IGSF21: variants seen among roughly 807,000 people sequenced by gnomAD.
The protein encoded by IGSF21 is immunoglobin superfamily member 21.
IGSF21 carries 28 observed loss-of-function variants against 46.8 expected under a neutral mutation model. The observed-to-expected ratio is 0.60, with a 90% confidence interval of 0.44 to 0.82. The LOEUF is 0.82. Among genes scored for constraint, IGSF21 ranks in the 40% least tolerant of loss-of-function variants. The pLI is 0.00. For missense variants in IGSF21, 624 were observed against 665.5 expected (o/e 0.94, Z 0.69); for synonymous variants, 284 against 273.6 (o/e 1.04, Z -0.38).
chr1:18,334,229 G>A lies in IGSF21; in HGVS notation c.306-663G>A, dbSNP rs554926379. On this transcript the variant is annotated intron_variant, in intron 3 of 9. Coordinates refer to ENST00000251296, the MANE Select transcript of IGSF21 (RefSeq NM_032880.5). The surrounding 1 kb of genome is among the most constrained non-coding windows in gnomAD (Gnocchi z 4.3). ...CCAACCTGAGCTCAGATAAGCTCAC[G>A]CTTTTCCATGTGAGTGTGGAACCCA... 4.6e-5 allele frequency among the ~76,000 whole-genome samples: 7 copies of A among 152,268 alleles called. No homozygotes were observed. In the South Asian group the frequency reaches 1.2e-3, roughly 27 times the overall value.
At chr1:18,340,900 TCTC>T in intron 4 of IGSF21, among the ~76,000 whole-genome samples, 1 of 151,372 alleles carries the variant, frequency 6.6e-6, no homozygotes, top group East Asian at 1.9e-4. Flanking sequence ...TTCTGCTTCT[TCTC>T]CTTCTCCTTC....
chr1:18,372,572 GGATA>G (rs2086235856), intron 6 of IGSF21, among the ~76,000 whole-genome samples: 1 of 151,030 alleles, frequency 6.6e-6, no homozygotes, highest in South Asian at 2.1e-4. Context: ...ATGGATGGAT[GGATA>G]TTTGGATGGA....
intron 2 of IGSF21, among the ~76,000 whole-genome samples, chr1:18,236,413 C>T (rs1054348456): frequency 6.6e-6 from 1 of 152,210 alleles, no homozygotes; most frequent in Non-Finnish European, 1.5e-5. Context: ...ATAAATTACC[C>T]AGTCCCAGGT....
At chr1:18,213,734 C>A (rs1557590571) in intron 1 of IGSF21, among the ~76,000 whole-genome samples, 1 of 152,196 alleles carries the variant, frequency 6.6e-6, no homozygotes, top group Non-Finnish European at 1.5e-5. Context: ...CCAATTTGAG[C>A]TCGGGTGAAG....
chr1:18,115,584 G>A (rs1436166673), intron 1 of IGSF21: 1 of 152,192 alleles, frequency 6.6e-6, no homozygotes, highest in Non-Finnish European at 1.5e-5. Flanking sequence ...TTTCTGGTGT[G>A]AGAATGTGTC....
chr1:18,330,932 ATACATC>A (rs2085706430), intron 3 of IGSF21, among the ~76,000 whole-genome samples: 1 of 152,174 alleles, frequency 6.6e-6, no homozygotes, highest in African/African-American at 2.4e-5. Flanking sequence ...ACCTACATGG[ATACATC>A]GTTACCACCC....
intron 3 of IGSF21, among the ~76,000 whole-genome samples, chr1:18,305,549 T>G (rs2085416509): frequency 7.0e-6 from 1 of 141,990 alleles, no homozygotes; most frequent in Non-Finnish European, 1.5e-5. Flanking sequence ...GGATGGATGA[T>G]GGATGGATGG....
intron 4 of IGSF21, among the ~76,000 whole-genome samples, chr1:18,353,835 AG>A (rs1209618484): frequency 6.6e-6 from 1 of 152,198 alleles, no homozygotes; most frequent in African/African-American, 2.4e-5. Flanking sequence ...TCAAGGTGTA[AG>A]GGTTGGAGAA....
chr1:18,155,718 C>A (rs1461545293), intron 1 of IGSF21, among the ~76,000 whole-genome samples: 6 of 152,218 alleles, frequency 3.9e-5, no homozygotes, highest in Non-Finnish European at 8.8e-5. Context: ...TGGTGATGAA[C>A]TGCTGGTGCA....
intron 2 of IGSF21, among the ~76,000 whole-genome samples, chr1:18,274,489 G>T (rs1057091131): frequency 2.0e-5 from 3 of 152,362 alleles, no homozygotes; most frequent in Non-Finnish European, 4.4e-5. Context: ...TGGCCCATTG[G>T]CCAAATCTGG....
intron 1 of IGSF21, among the ~76,000 whole-genome samples, chr1:18,196,367 TA>T (rs1184661534): frequency 6.6e-6 from 1 of 152,156 alleles, no homozygotes; most frequent in Non-Finnish European, 1.5e-5. Flanking sequence ...CCATCTGACC[TA>T]ATGGCAGGGA....
At chr1:18,171,827 A>G (rs1287698562) in intron 1 of IGSF21, among the ~76,000 whole-genome samples, 3 of 152,228 alleles carry the variant, frequency 2.0e-5, no homozygotes, top group African/African-American at 7.2e-5. Flanking sequence ...TCCAGAGCCA[A>G]GAAGTGAGTG....
chr1:18,265,844 C>T (rs539120929), intron 2 of IGSF21, among the ~76,000 whole-genome samples: 8 of 152,322 alleles, frequency 5.3e-5, no homozygotes, highest in South Asian at 2.1e-4. Flanking sequence ...GGCTGAGGAG[C>T]GGGCAAGGTG....
In IGSF21 at chr1:18,362,157, C is replaced by A; in HGVS notation, c.467C>A (p.Ala156Asp). The change falls in exon 5 of 10, where the codon GCC (alanine) becomes GAC (aspartate). Residue 156 changes from alanine (A) to aspartate (D), a missense_variant. Coordinates refer to ENST00000251296, the MANE Select transcript of IGSF21 (RefSeq NM_032880.5). Reference sequence around the variant, plus strand: ...GAAGTGGTGGCTGCTGACACACCAGCCCCCTTCAGCCGCTACCAAGCCCAG... The same window carrying A: ...GAAGTGGTGGCTGCTGACACACCAGACCCCTTCAGCCGCTACCAAGCCCAG... ...SIEVVAADTPAPFSRYQAQNF... is the reference protein window; with the variant it reads ...SIEVVAADTPDPFSRYQAQNF... 6.2e-7 allele frequency: 1 copy of A among 1,612,732 alleles called. No homozygotes were observed. Among genetic ancestry groups the A allele is most frequent in the Non-Finnish European group, 8.5e-7 (1 of 1,179,558 alleles).
intron 6 of IGSF21, among the ~76,000 whole-genome samples, chr1:18,368,504 T>G (rs2086190346): frequency 9.4e-6 from 1 of 106,692 alleles, no homozygotes; most frequent in Non-Finnish European, 2.0e-5. Context: ...GAGTGAGACT[T>G]CATCTCAAAA....
chr1:18,166,168 C>T (rs902917529), intron 1 of IGSF21, among the ~76,000 whole-genome samples: 22 of 152,282 alleles, frequency 1.4e-4, no homozygotes, highest in African/African-American at 5.1e-4. Flanking sequence ...TAACAAGCCA[C>T]TAACAGAGTC....
At chr1:18,223,525 C>A (rs1381679319) in intron 1 of IGSF21, among the ~76,000 whole-genome samples, 3 of 152,234 alleles carry the variant, frequency 2.0e-5, no homozygotes, top group Non-Finnish European at 4.4e-5. Flanking sequence ...TAGCTCTGAA[C>A]AGTAGCTCGT....
rs571484084 is a variant in IGSF21, at chr1:18,337,821, G to A, written c.424+2811G>A. On this transcript the variant is annotated intron_variant, in intron 4 of 9. Transcript: ENST00000251296. This position sits in a 1 kb window ranked among gnomAD's most constrained non-coding sequence, Gnocchi z 5.7. ...CATCATCCAATCCTCACTGCAGATC[G>A]GCGCGTGGGGGATTACTATTATCTC... Among the ~76,000 whole-genome samples the A allele has an allele frequency of 2.4e-4, 36 of 152,258 alleles. No individual in the cohort carries two copies. Among genetic ancestry groups the A allele is most frequent in the Non-Finnish European group, 2.8e-4 (19 of 68,018 alleles).
intron 2 of IGSF21, among the ~76,000 whole-genome samples, chr1:18,261,280 G>A (rs1309096030): frequency 6.6e-6 from 1 of 152,200 alleles, no homozygotes; most frequent in East Asian, 1.9e-4. Flanking sequence ...GGGAGAAGAG[G>A]AGACAGAGAA....
Sources: allele counts gnomAD v4.1 joint callset (sites outside exome capture counted in the v4.1 genomes callset), GRCh38; gene constraint gnomAD v4.1.1; non-coding constraint Gnocchi (gnomAD v3.1); transcripts MANE v1.5; gene names NCBI Gene and HGNC (gene_info 2026-07-23, HGNC 2026-07-21).